The following IFT81 variants were observed in gnomAD, a reference collection of about 807,000 sequenced individuals.
IFT81 encodes the protein intraflagellar transport protein 81 homolog.
A neutral mutation model predicts 102.6 loss-of-function variants in IFT81; 72 were observed. The ratio of observed to expected loss-of-function variants is 0.70; its 90% CI spans 0.58 to 0.85. IFT81 has a LOEUF of 0.85. IFT81 is among the 40% of genes least tolerant of loss of function. IFT81 has a pLI of 0.00. For synonymous variants in IFT81, 237 were observed against 242.7 expected, an observed-to-expected ratio of 0.98 and a Z score of 0.22; for missense variants, 723 against 787.3, an observed-to-expected ratio of 0.92 and a Z score of 0.98.
rs1352048728 is a variant in IFT81 at position 110,194,037 on chromosome 12, G to A, written c.1557+1331G>A. On this transcript the variant is annotated intron_variant, in intron 14 of 18. Coordinates refer to ENST00000242591, the MANE Select transcript of IFT81 (RefSeq NM_014055.4). ...GCAGGCATATCACATGGCTAGAGCAGCAAGGGGGTGGGAGGAGGGGCCTCA... is the reference window on the plus strand; with the variant it reads ...GCAGGCATATCACATGGCTAGAGCAACAAGGGGGTGGGAGGAGGGGCCTCA... 4.6e-5 allele frequency among the ~76,000 whole-genome samples: 7 copies of A among 152,154 alleles called. No individual in the cohort carries two copies. The East Asian group carries it at 1.2e-3, about 25-fold the overall frequency.
At chr12:110,180,381 C>G (rs1897272398) in intron 11 of IFT81, 41 bp from the exon 12 acceptor site, 5 of 1,376,916 alleles carry the variant, frequency 3.6e-6, no homozygotes, top group Non-Finnish European at 4.0e-6. Context: ...TTAGCTACTA[C>G]TTTTCTACTC....
At chr12:110,188,574 T>G (rs1285323340) in intron 12 of IFT81, among the ~76,000 whole-genome samples, 3 of 151,808 alleles carry the variant, frequency 2.0e-5, no homozygotes, top group Non-Finnish European at 4.4e-5. Context: ...TTTTGGTTCT[T>G]TCATTCTTTT....
chr12:110,138,280 A>G (rs1247571627), intron 8 of IFT81, among the ~76,000 whole-genome samples: 3 of 152,234 alleles, frequency 2.0e-5, no homozygotes, highest in Non-Finnish European at 4.4e-5. Context: ...TGATCCAGGT[A>G]TTTAGTTTAA....
intron 9 of IFT81, 123 bp from the exon 10 acceptor site, chr12:110,146,830 C>A: frequency 8.2e-7 from 1 of 1,225,284 alleles, no homozygotes; most frequent in Non-Finnish European, 1.1e-6. Context: ...CTAGGTGAAA[C>A]TGAGACCTTG....
At chr12:110,150,113 CT>C (rs1161350679) in intron 10 of IFT81, among the ~76,000 whole-genome samples, 48 of 146,108 alleles carry the variant, frequency 3.3e-4, no homozygotes, top group Admixed American at 2.1e-4. Flanking sequence ...CTTTTCTTTT[CT>C]TTTTTTTTTT....
At chr12:110,205,419 C>G (rs781227362) in intron 15 of IFT81, 24 bp from the exon 16 acceptor site, 5 of 1,565,674 alleles carry the variant, frequency 3.2e-6, no homozygotes, top group Non-Finnish European at 3.4e-6. Flanking sequence ...GATAATGTCA[C>G]CTATCTAAAA....
chr12:110,201,485 C>T (rs944210848), intron 14 of IFT81, among the ~76,000 whole-genome samples: 1 of 151,782 alleles, frequency 6.6e-6, no homozygotes, highest in Admixed American at 6.6e-5. Context: ...AGGCTGAGTG[C>T]AGTGGCACCA....
intron 11 of IFT81, among the ~76,000 whole-genome samples, chr12:110,178,945 T>C (rs1897168080): frequency 1.3e-5 from 2 of 151,670 alleles, no homozygotes; most frequent in South Asian, 2.1e-4. Context: ...TATGCTACTT[T>C]GTTTGCTCTT....
chr12:110,139,742 C>G (rs1894742041), intron 8 of IFT81, among the ~76,000 whole-genome samples: 1 of 150,880 alleles, frequency 6.6e-6, no homozygotes, highest in African/African-American at 2.4e-5. Context: ...CCACTGCACT[C>G]CAGCCTGGGC....
chr12:110,215,013 T>A (rs187809710), intron 18 of IFT81, among the ~76,000 whole-genome samples: 1 of 152,314 alleles, frequency 6.6e-6, no homozygotes, highest in East Asian at 1.9e-4. Context: ...TTACTGGTTA[T>A]ATTTATATTT....
intron 11 of IFT81, among the ~76,000 whole-genome samples, chr12:110,163,678 C>T (rs1029420746): frequency 3.4e-5 from 5 of 147,948 alleles, no homozygotes; most frequent in African/African-American, 1.0e-4. Flanking sequence ...TGCAGTGGCG[C>T]GATCTTGGCT....
At chr12:110,200,130 G>A (rs1329101431) in intron 14 of IFT81, among the ~76,000 whole-genome samples, 1 of 152,178 alleles carries the variant, frequency 6.6e-6, no homozygotes, top group Non-Finnish European at 1.5e-5. Context: ...GGATCTGAAA[G>A]GATGTTGCTC....
chr12:110,214,309 G>GT (rs1869821838), intron 18 of IFT81, among the ~76,000 whole-genome samples: 1 of 151,202 alleles, frequency 6.6e-6, no homozygotes, highest in South Asian at 2.1e-4. Context: ...AATTTATCAA[G>GT]TATATTTAAG....
chr12:110,206,985 G>A (rs992724312), intron 17 of IFT81, among the ~76,000 whole-genome samples: 13 of 151,448 alleles, frequency 8.6e-5, no homozygotes, highest in Admixed American at 2.0e-4. Context: ...AGCAAAGAAG[G>A]AAATAATTGC....
intron 8 of IFT81, among the ~76,000 whole-genome samples, chr12:110,138,198 T>C (rs896134476): frequency 2.0e-5 from 3 of 152,210 alleles, no homozygotes; most frequent in African/African-American, 7.2e-5. Context: ...TCCTACTTCG[T>C]TGACATCTTT....
chr12:110,194,277 A>G (rs1897914417), intron 14 of IFT81, among the ~76,000 whole-genome samples: 1 of 152,194 alleles, frequency 6.6e-6, no homozygotes, highest in East Asian at 1.9e-4. Context: ...TCTAACTTAT[A>G]TTTATCTAGA....
intron 12 of IFT81, among the ~76,000 whole-genome samples, chr12:110,183,741 T>G (rs1445298064): frequency 6.6e-6 from 1 of 152,168 alleles, no homozygotes; most frequent in African/African-American, 2.4e-5. Flanking sequence ...TCTTGCATCT[T>G]CCAGGGCCTT....
intron 18 of IFT81, among the ~76,000 whole-genome samples, chr12:110,215,822 T>A (rs1363395521): frequency 6.6e-6 from 1 of 152,112 alleles, no homozygotes; most frequent in Non-Finnish European, 1.5e-5. Flanking sequence ...GAAGATTCTT[T>A]TATTCCTGTT....
intron 12 of IFT81, among the ~76,000 whole-genome samples, chr12:110,185,120 T>C (rs1344665798): frequency 2.6e-5 from 4 of 152,208 alleles, no homozygotes; most frequent in African/African-American, 9.6e-5. Context: ...CAGTGAGTGA[T>C]TGCACTCTAG....
Sources: gnomAD v4.1 joint callset for allele counts (sites outside exome capture counted in the v4.1 genomes callset) on GRCh38, gnomAD v4.1.1 for gene constraint, MANE v1.5 for transcripts, NCBI Gene and HGNC (gene_info 2026-07-23, HGNC 2026-07-21) for gene names.